ZFAT: variants seen among roughly 807,000 people sequenced by gnomAD.
ZFAT encodes the protein zinc finger and AT-hook domain containing.
Under a neutral mutation model 117.7 loss-of-function variants are expected in ZFAT, and 64 were observed. The observed-to-expected ratio is 0.54, with a 90% confidence interval of 0.44 to 0.67. The LOEUF (loss-of-function observed/expected upper bound fraction) is 0.67. ZFAT is among the 30% of genes least tolerant of loss of function. ZFAT has a pLI of 0.00. For synonymous variants in ZFAT, 679 were observed against 615.0 expected, an observed-to-expected ratio of 1.10 and a Z score of -1.54; for missense variants, 1,433 against 1,584.5, an observed-to-expected ratio of 0.90 and a Z score of 1.62.
At chr8:134,533,057 A>C in intron 11 of ZFAT, 85 bp from the exon 12 acceptor site, 1 of 1,520,630 alleles carries the variant, frequency 6.6e-7, no homozygotes. Flanking sequence ...AGCATCTGAC[A>C]CCCTGAAAGC....
upstream of ZFAT, among the ~76,000 whole-genome samples, chr8:134,714,712 A>C (rs1237001958): frequency 1.3e-5 from 2 of 152,216 alleles, no homozygotes; most frequent in Non-Finnish European, 2.9e-5. Context: ...TCCAGATGAG[A>C]AAATGGAATG....
chr8:134,529,164 G>A (rs1339368639), intron 12 of ZFAT, among the ~76,000 whole-genome samples: 1 of 152,142 alleles, frequency 6.6e-6, no homozygotes, highest in Non-Finnish European at 1.5e-5. Flanking sequence ...TGACTCCCAA[G>A]CGTGTGGTCA....
At chr8:134,815,427 C>T in the ZFAT span, among the ~76,000 whole-genome samples, 1 of 152,152 alleles carries the variant, frequency 6.6e-6, no homozygotes, top group Non-Finnish European at 1.5e-5. Context: ...ATCCAAGTTG[C>T]TAGTATTTAG....
chr8:134,782,274 G>T, the ZFAT span, among the ~76,000 whole-genome samples: 1 of 152,174 alleles, frequency 6.6e-6, no homozygotes, highest in Admixed American at 6.5e-5. Context: ...AAAATTAAGA[G>T]AACTTGATGT....
intron 7 of ZFAT, among the ~76,000 whole-genome samples, chr8:134,596,937 A>G (rs1283817466): frequency 2.0e-5 from 3 of 150,510 alleles, no homozygotes; most frequent in African/African-American, 7.3e-5. Flanking sequence ...TGGGATGATG[A>G]AAAAGCTCTG....
intron 3 of ZFAT, among the ~76,000 whole-genome samples, chr8:134,626,306 T>G (rs1384538279): frequency 6.6e-6 from 1 of 152,198 alleles, no homozygotes; most frequent in African/African-American, 2.4e-5. Context: ...CCCTGAAGAC[T>G]GATGGATCCA....
chr8:134,822,934 C>T, the ZFAT span, among the ~76,000 whole-genome samples: 3 of 152,000 alleles, frequency 2.0e-5, no homozygotes, highest in Non-Finnish European at 2.9e-5. Flanking sequence ...ATCTATTCCC[C>T]CAAGCCAAAA....
intron 11 of ZFAT, among the ~76,000 whole-genome samples, chr8:134,546,693 T>C (rs1460576214): frequency 1.3e-5 from 2 of 152,212 alleles, no homozygotes; most frequent in East Asian, 1.9e-4. Flanking sequence ...GTCTGTGGCC[T>C]GTGACACTTC....
chr8:134,509,026 A>T (rs1243358146), intron 15 of ZFAT, among the ~76,000 whole-genome samples: 1 of 152,230 alleles, frequency 6.6e-6, no homozygotes, highest in African/African-American at 2.4e-5. Flanking sequence ...AGGATGACCT[A>T]ATTATCAAAC....
At chr8:134,567,267 T>C (rs1824536189) in intron 10 of ZFAT, among the ~76,000 whole-genome samples, 1 of 152,124 alleles carries the variant, frequency 6.6e-6, no homozygotes. Context: ...CCTCAAAATC[T>C]TTATGGCCCT....
At chr8:134,689,280 T>G (rs1246013243) in intron 1 of ZFAT, among the ~76,000 whole-genome samples, 1 of 152,214 alleles carries the variant, frequency 6.6e-6, no homozygotes, top group Non-Finnish European at 1.5e-5. Context: ...TGAAAGTGGG[T>G]ATAAATTTGG....
intron 12 of ZFAT, among the ~76,000 whole-genome samples, chr8:134,522,387 A>G (rs57919340): frequency 0.07 from 10,713 of 152,276 alleles, 463 homozygotes; most frequent in African/African-American, 0.12. Context: ...TCAGTCACCC[A>G]TATGATTATT....
chr8:134,541,985 C>T (rs1428812142), intron 11 of ZFAT, among the ~76,000 whole-genome samples: 1 of 152,180 alleles, frequency 6.6e-6, no homozygotes, highest in East Asian at 1.9e-4. Flanking sequence ...TACATCTTAC[C>T]TCCTCCCTCC....
chr8:134,592,811 A>G (rs544440039), intron 7 of ZFAT, among the ~76,000 whole-genome samples: 1 of 152,228 alleles, frequency 6.6e-6, no homozygotes, highest in Non-Finnish European at 1.5e-5. Context: ...ACTTAGAAAA[A>G]GTGTACTTTA....
At chr8:134,514,879 A>C (rs953882259) in intron 13 of ZFAT, among the ~76,000 whole-genome samples, 1 of 152,084 alleles carries the variant, frequency 6.6e-6, no homozygotes, top group African/African-American at 2.4e-5. Flanking sequence ...TTACATAAGT[A>C]TACACGTGCC....
intron 12 of ZFAT, among the ~76,000 whole-genome samples, chr8:134,525,756 G>C (rs1820983816): frequency 6.6e-6 from 1 of 152,216 alleles, no homozygotes; most frequent in African/African-American, 2.4e-5. Flanking sequence ...GGCAGAGGAG[G>C]GCACCGAGGC....
At chr8:134,532,626 A>C (rs894895608) in intron 12 of ZFAT, among the ~76,000 whole-genome samples, 2 of 152,252 alleles carry the variant, frequency 1.3e-5, no homozygotes, top group Non-Finnish European at 2.9e-5. Context: ...ACTTCCACTA[A>C]GGTTGTTGTC....
At chr8:134,499,797 G>C (rs1818829180) in intron 15 of ZFAT, among the ~76,000 whole-genome samples, 1 of 152,234 alleles carries the variant, frequency 6.6e-6, no homozygotes, top group African/African-American at 2.4e-5. Context: ...GGGGGCCAGA[G>C]GGACATTTGA....
At chr8:134,717,164 G>A (rs1345468518), upstream of ZFAT, among the ~76,000 whole-genome samples, 2 of 152,196 alleles carry the variant, frequency 1.3e-5, no homozygotes, top group African/African-American at 4.8e-5. Context: ...GATGCATAAT[G>A]AAGGTCATTG....
Sources: gnomAD v4.1 joint callset for allele counts (sites outside exome capture counted in the v4.1 genomes callset) on GRCh38, gnomAD v4.1.1 for gene constraint, MANE v1.5 for transcripts, NCBI Gene and HGNC (gene_info 2026-07-23, HGNC 2026-07-21) for gene names.